Variants in PARD3B observed in about 807,000 individuals in gnomAD.
The protein encoded by PARD3B is par-3 family cell polarity regulator beta.
PARD3B carries 103 observed loss-of-function variants against 130.2 expected under a neutral mutation model. That is an observed-to-expected ratio of 0.79 (90% CI 0.67 to 0.93). The LOEUF (loss-of-function observed/expected upper bound fraction) is 0.93, where lower values mean the gene tolerates loss of function less well. PARD3B is among the 40% of genes least tolerant of loss of function. PARD3B has a pLI of 0.00. For synonymous variants in PARD3B, 583 were observed against 553.2 expected (o/e 1.05, Z -0.76); for missense variants, 1,609 against 1,499.2 (o/e 1.07, Z -1.21).
chr2:204,583,458 C>T (rs2032668390), intron 1 of PARD3B, among the ~76,000 whole-genome samples: 1 of 107,618 alleles, frequency 9.3e-6, no homozygotes, highest in Non-Finnish European at 1.9e-5. Context: ...GGGAATATCA[C>T]ACTGTGGGGA....
chr2:205,489,498 TATATATATATAC>T (rs2049587126), intron 20 of PARD3B, among the ~76,000 whole-genome samples: 1 of 55,750 alleles, frequency 1.8e-5, no homozygotes, highest in Admixed American at 2.5e-4. Flanking sequence ...TATATGTGTG[TATATATATATAC>T]GTATATATAT....
intron 19 of PARD3B, among the ~76,000 whole-genome samples, chr2:205,416,588 T>C (rs1000925598): frequency 2.6e-5 from 4 of 152,172 alleles, no homozygotes; most frequent in African/African-American, 9.7e-5. Flanking sequence ...GTGAGCAGCA[T>C]GCACAAAAGT....
chr2:205,349,657 A>G (rs1297487393), intron 18 of PARD3B, among the ~76,000 whole-genome samples: 1 of 152,160 alleles, frequency 6.6e-6, no homozygotes, highest in African/African-American at 2.4e-5. Flanking sequence ...CAAAGATATA[A>G]TTAAACTTCA....
At chr2:205,567,825 C>T (rs763176279) in intron 22 of PARD3B, among the ~76,000 whole-genome samples, 9 of 150,778 alleles carry the variant, frequency 6.0e-5, no homozygotes, top group Non-Finnish European at 1.2e-4. Context: ...GCATTGGAAG[C>T]GGAGTGAGGA....
In PARD3B at chr2:205,142,889, T is replaced by TAAATAAATAAATA; in HGVS notation, c.1435-15830_1435-15818dup. ...TGAGACTTCGGTCTCAAAAAATAAA[T>TAAATAAATAAATA]AAATAAATAAATAAATAAATAAGAT... On this transcript the variant is annotated intron_variant, in intron 10 of 22. Transcript: ENST00000406610. This position sits in a 1 kb window ranked among gnomAD's most constrained non-coding sequence, Gnocchi z 4.3. 6.6e-6 allele frequency among the ~76,000 whole-genome samples: 1 copy of TAAATAAATAAATA among 150,820 alleles called. No individual in the cohort carries two copies. The highest frequency in any genetic ancestry group is 2.1e-4 in the South Asian group (1 of 4,776).
At chr2:204,624,849 C>T (rs546939376) in intron 1 of PARD3B, among the ~76,000 whole-genome samples, 7 of 152,054 alleles carry the variant, frequency 4.6e-5, no homozygotes, top group Non-Finnish European at 8.8e-5. Flanking sequence ...CTACTGTCAC[C>T]AGTAATGTAT....
intron 1 of PARD3B, among the ~76,000 whole-genome samples, chr2:204,560,688 T>C (rs556932692): frequency 6.6e-6 from 1 of 152,082 alleles, no homozygotes; most frequent in Non-Finnish European, 1.5e-5. Context: ...TCCAGGACAG[T>C]TGTGGGACGG....
chr2:204,562,363 G>A (rs77503173), intron 1 of PARD3B, among the ~76,000 whole-genome samples: 2,300 of 152,258 alleles, frequency 0.015, 69 homozygotes, highest in African/African-American at 0.053. Context: ...CTGAAGTTAA[G>A]CTTCTAAAAT....
chr2:204,812,819 A>G (rs2043007464), intron 2 of PARD3B, among the ~76,000 whole-genome samples: 3 of 152,132 alleles, frequency 2.0e-5, no homozygotes, highest in Admixed American at 1.3e-4. Context: ...TTTCCCTGGC[A>G]GTGGCTCTTA....
chr2:205,363,501 T>C (rs2044474245), intron 18 of PARD3B, among the ~76,000 whole-genome samples: 1 of 152,178 alleles, frequency 6.6e-6, no homozygotes, highest in South Asian at 2.1e-4. Flanking sequence ...TCAATAAATG[T>C]GAGTTATAAA....
At chr2:205,193,104 C>T (rs548395986) in intron 14 of PARD3B, 101 bp from the exon 15 acceptor site, 341 of 750,612 alleles carry the variant, frequency 4.5e-4, no homozygotes, top group Non-Finnish European at 6.7e-4. Context: ...TTGGGAGCTG[C>T]GCAGAGTGAT....
chr2:205,267,215 A>G (rs2040542029), intron 16 of PARD3B, among the ~76,000 whole-genome samples: 1 of 152,186 alleles, frequency 6.6e-6, no homozygotes, highest in Admixed American at 6.5e-5. Flanking sequence ...AACACTGTTA[A>G]CAGACTCTTT....
At chr2:204,935,315 G>A (rs1358953160) in intron 2 of PARD3B, among the ~76,000 whole-genome samples, 2 of 149,842 alleles carry the variant, frequency 1.3e-5, no homozygotes, top group Non-Finnish European at 3.0e-5. Context: ...GGATCACAAG[G>A]TCAGGAGATC....
At chr2:205,092,275 G>A (rs1291167828) in intron 4 of PARD3B, among the ~76,000 whole-genome samples, 1 of 152,184 alleles carries the variant, frequency 6.6e-6, no homozygotes, top group Non-Finnish European at 1.5e-5. Context: ...GCAGCATGGG[G>A]CAGCTTCCAG....
chr2:204,774,920 G>T (rs1364273893), intron 2 of PARD3B, among the ~76,000 whole-genome samples: 1 of 152,098 alleles, frequency 6.6e-6, no homozygotes, highest in Non-Finnish European at 1.5e-5. Context: ...GCATTTCTCA[G>T]TGCTTTCACA....
At chr2:204,701,750 T>C (rs1326819389) in intron 2 of PARD3B, among the ~76,000 whole-genome samples, 1 of 152,122 alleles carries the variant, frequency 6.6e-6, no homozygotes, top group African/African-American at 2.4e-5. Flanking sequence ...TTTTTCTTTT[T>C]CAACTTTTAG....
intron 3 of PARD3B, among the ~76,000 whole-genome samples, chr2:205,005,353 C>A (rs1036517394): frequency 6.6e-6 from 1 of 152,078 alleles, no homozygotes; most frequent in Non-Finnish European, 1.5e-5. Flanking sequence ...GAATTTGAGT[C>A]CTCATTTTCC....
intron 19 of PARD3B, among the ~76,000 whole-genome samples, chr2:205,424,961 A>G (rs924471692): frequency 6.6e-6 from 1 of 152,244 alleles, no homozygotes; most frequent in African/African-American, 2.4e-5. Context: ...ACTTCTTGCC[A>G]CTTACAAATG....
At chr2:204,568,623 A>G (rs968458520) in intron 1 of PARD3B, among the ~76,000 whole-genome samples, 6 of 152,198 alleles carry the variant, frequency 3.9e-5, no homozygotes, top group African/African-American at 1.4e-4. Context: ...TAGAATACCA[A>G]TTAGGTAATT....
Sources: gnomAD v4.1 joint callset for allele counts (sites outside exome capture counted in the v4.1 genomes callset) on GRCh38, gnomAD v4.1.1 for gene constraint, Gnocchi (gnomAD v3.1) non-coding constraint, MANE v1.5 for transcripts, NCBI Gene and HGNC (gene_info 2026-07-23, HGNC 2026-07-21) for gene names.